The following PDE4D variants were observed in gnomAD, a reference collection of about 807,000 sequenced individuals.
The protein encoded by PDE4D is 3',5'-cyclic-AMP phosphodiesterase 4D.
PDE4D carries 24 observed loss-of-function variants against 87.4 expected under a neutral mutation model. The ratio of observed to expected loss-of-function variants is 0.27; its 90% confidence interval spans 0.20 to 0.39. The LOEUF (loss-of-function observed/expected upper bound fraction) is 0.39, where lower values mean the gene tolerates loss of function less well. Among genes scored for constraint, PDE4D ranks in the 10% least tolerant of loss-of-function variants. The pLI, the probability that PDE4D is intolerant of heterozygous loss-of-function variation, is 1.00. For synonymous variants in PDE4D, 384 were observed against 383.2 expected, an observed-to-expected ratio of 1.00 and a Z score of -0.02; for missense variants, 714 against 1,041.0, an observed-to-expected ratio of 0.69 and a Z score of 4.32.
intron 1 of PDE4D, among the ~76,000 whole-genome samples, chr5:59,774,172 T>C (rs1763848889): frequency 3.3e-5 from 5 of 152,146 alleles, no homozygotes; most frequent in Admixed American, 3.3e-4. Flanking sequence ...GTAAACAATA[T>C]ATAAAGAGAT....
intron 1 of PDE4D, among the ~76,000 whole-genome samples, chr5:59,585,493 C>T (rs957126814): frequency 2.4e-4 from 36 of 152,210 alleles, no homozygotes; most frequent in African/African-American, 6.3e-4. Context: ...TAAGCCTTAA[C>T]ATGTGCCTTT....
intron 1 of PDE4D, among the ~76,000 whole-genome samples, chr5:59,402,888 C>A (rs757865719): frequency 1.3e-5 from 2 of 152,046 alleles, no homozygotes; most frequent in Non-Finnish European, 2.9e-5. Context: ...CCTCCCATTA[C>A]AGTTATATAA....
chr5:59,015,483 CAAAAG>C (rs1753776966), intron 6 of PDE4D, among the ~76,000 whole-genome samples: 5 of 152,194 alleles, frequency 3.3e-5, no homozygotes, highest in Middle Eastern at 6.8e-3. Flanking sequence ...AGACACTTCT[CAAAAG>C]AAGACATTTA....
chr5:59,444,654 C>T (rs1183032009), intron 1 of PDE4D, among the ~76,000 whole-genome samples: 4 of 151,928 alleles, frequency 2.6e-5, no homozygotes, highest in Non-Finnish European at 4.4e-5. Context: ...CTACTAAAAA[C>T]ACAAAAAATT....
chr5:59,453,218 T>C (rs536226911), intron 1 of PDE4D, among the ~76,000 whole-genome samples: 1 of 152,306 alleles, frequency 6.6e-6, no homozygotes, highest in Non-Finnish European at 1.5e-5. Flanking sequence ...ATGGGTGTTC[T>C]GACTGCTCCA....
chr5:60,025,727 G>A (rs1766551883), intron 2 of PDE4D, among the ~76,000 whole-genome samples: 1 of 151,874 alleles, frequency 6.6e-6, no homozygotes, highest in Non-Finnish European at 1.5e-5. Flanking sequence ...TTATTTCCAT[G>A]TAAGTAACAA....
At chr5:59,621,584 A>G (rs1295783643) in intron 1 of PDE4D, among the ~76,000 whole-genome samples, 1 of 152,198 alleles carries the variant, frequency 6.6e-6, no homozygotes, top group Non-Finnish European at 1.5e-5. Context: ...TTTCTCACTG[A>G]TTAAATCTGA....
chr5:59,410,218 T>C (rs1007770672), intron 1 of PDE4D, among the ~76,000 whole-genome samples: 2 of 151,986 alleles, frequency 1.3e-5, no homozygotes, highest in African/African-American at 4.8e-5. Flanking sequence ...CATCCTACTC[T>C]CTATCTCCAC....
intron 1 of PDE4D, among the ~76,000 whole-genome samples, chr5:60,254,637 G>T (rs1291176664): frequency 6.6e-6 from 1 of 151,874 alleles, no homozygotes; most frequent in Non-Finnish European, 1.5e-5. Flanking sequence ...GCAAAATCGT[G>T]TGTAAAAATC....
intron 1 of PDE4D, among the ~76,000 whole-genome samples, chr5:59,880,106 AT>A (rs939757054): frequency 1.6e-4 from 24 of 147,676 alleles, no homozygotes; most frequent in African/African-American, 3.5e-4. Flanking sequence ...AACATTTCTG[AT>A]TTTTTTTTTC....
At chr5:59,028,827 C>T (rs1464820357) in intron 6 of PDE4D, among the ~76,000 whole-genome samples, 1 of 152,120 alleles carries the variant, frequency 6.6e-6, no homozygotes, top group Admixed American at 6.5e-5. Context: ...CTGATTTAGA[C>T]TAGTGTGTCC....
At chr5:60,202,254 C>G (rs1351496437) in intron 1 of PDE4D, among the ~76,000 whole-genome samples, 1 of 152,090 alleles carries the variant, frequency 6.6e-6, no homozygotes, top group African/African-American at 2.4e-5. Flanking sequence ...AACCTGTTGC[C>G]TGGGCTCAAG....
chr5:60,079,811 C>T (rs912164868), intron 2 of PDE4D, among the ~76,000 whole-genome samples: 1 of 152,190 alleles, frequency 6.6e-6, no homozygotes, highest in African/African-American at 2.4e-5. Flanking sequence ...AGGTAGCCTG[C>T]TGCCTCCAGC....
At position 60,234,767 on chromosome 5, in the gene PDE4D, T is replaced by C. The variant is rs186253598; in HGVS notation, c.-89-49080A>G. Among the ~76,000 whole-genome samples, 291 of 152,034 alleles carry C rather than the reference T, an allele frequency of 1.9e-3. 2 individuals carry two copies. The highest frequency in any genetic ancestry group is 6.9e-3 in the African/African-American group (287 of 41,552). ...ATTTCTACTTCTTATTGGGTCATTTTTGGTAGTTTCTATCTTTCCAGAAAT... is the reference window on the plus strand; with the variant it reads ...ATTTCTACTTCTTATTGGGTCATTTCTGGTAGTTTCTATCTTTCCAGAAAT... On this transcript the variant is annotated intron_variant, in intron 1 of 16. Transcript: ENST00000502484.
At chr5:60,423,426 AC>A (rs1743323597) in intron 1 of PDE4D, among the ~76,000 whole-genome samples, 1 of 152,250 alleles carries the variant, frequency 6.6e-6, no homozygotes, top group Non-Finnish European at 1.5e-5. Flanking sequence ...AAACTGAACA[AC>A]CTACTCCTGA....
chr5:59,436,379 T>C (rs1265089651), intron 1 of PDE4D, among the ~76,000 whole-genome samples: 3 of 152,208 alleles, frequency 2.0e-5, no homozygotes, highest in Non-Finnish European at 4.4e-5. Context: ...AATAATGATA[T>C]TGAAAAACTT....
chr5:59,349,969 A>G (rs1323842638), intron 1 of PDE4D, among the ~76,000 whole-genome samples: 1 of 152,154 alleles, frequency 6.6e-6, no homozygotes, highest in Non-Finnish European at 1.5e-5. Context: ...GTCTACATTG[A>G]TAATTGAGCA....
At chr5:58,990,782 T>C (rs1347751136) in intron 9 of PDE4D, 22 bp downstream of exon 9, 5 of 1,257,036 alleles carry the variant, frequency 4.0e-6, no homozygotes, top group Middle Eastern at 1.8e-4. Flanking sequence ...AAAATAAATG[T>C]AATAGAACTC....
At chr5:59,570,903 G>C (rs1278431087) in intron 1 of PDE4D, among the ~76,000 whole-genome samples, 1 of 152,118 alleles carries the variant, frequency 6.6e-6, no homozygotes, top group African/African-American at 2.4e-5. Flanking sequence ...GATTACATTT[G>C]AATAAATTAG....
Sources: gnomAD v4.1 joint callset for allele counts (sites outside exome capture counted in the v4.1 genomes callset) on GRCh38, gnomAD v4.1.1 for gene constraint, MANE v1.5 for transcripts, NCBI Gene and HGNC (gene_info 2026-07-23, HGNC 2026-07-21) for gene names.